Variants in PTBP3 observed in about 807,000 individuals in gnomAD.
PTBP3 encodes the protein polypyrimidine tract-binding protein 3.
In PTBP3, 20 loss-of-function variants were observed where a neutral mutation model predicts 58.7. The observed-to-expected ratio is 0.34, with a 90% confidence interval of 0.24 to 0.50. The LOEUF (loss-of-function observed/expected upper bound fraction) is 0.50. PTBP3 is among the 20% of genes least tolerant of loss of function. The pLI, the probability that PTBP3 is intolerant of heterozygous loss-of-function variation, is 0.98. For missense variants in PTBP3, 509 were observed against 637.2 expected (o/e 0.80, Z 2.17); for synonymous variants, 185 against 219.8 (o/e 0.84, Z 1.40).
chr9:112,303,636 C>T (rs554698118), intron 1 of PTBP3, among the ~76,000 whole-genome samples: 7 of 151,840 alleles, frequency 4.6e-5, no homozygotes, highest in Admixed American at 1.3e-4. Flanking sequence ...GAGGCTGAGG[C>T]GGGCAGATCA....
intron 5 of PTBP3, among the ~76,000 whole-genome samples, chr9:112,254,873 T>C (rs976046947): frequency 1.3e-5 from 2 of 152,062 alleles, no homozygotes; most frequent in African/African-American, 4.8e-5. Flanking sequence ...TCTAGGTATA[T>C]AGCCAAAAAA....
chr9:112,250,966 G>A lies in PTBP3; in HGVS notation c.765C>T (p.Gly255=). The A allele has an allele frequency of 1.2e-6, 2 of 1,608,004 alleles. No individual in the cohort carries two copies. Among genetic ancestry groups the A allele is most frequent in the Non-Finnish European group, 1.7e-6 (2 of 1,177,090 alleles). The change falls in exon 7 of 14, where the codon GGC becomes GGT. Residue 255 remains glycine, a synonymous_variant. Transcript: ENST00000374257. The stretch of plus-strand genomic sequence containing the variant: ...CCATAGGGGGTTCAAGGGATGGCTG[G>A]CCATCACCAGTAGGAAGGTCTAAGC... ...FTRLDLPTGD[G]QPSLEPPMAA... is the part of the protein sequence containing the mutation.
Position 112,223,567 on chromosome 9 carries a change from A to C in PTBP3, c.*284T>G. 1 of 1,035,546 alleles carries C rather than the reference A, an allele frequency of 9.7e-7. No homozygotes were observed. The highest frequency in any genetic ancestry group is 1.2e-6 in the Non-Finnish European group (1 of 839,564). 64.1% of individuals were successfully genotyped at this position (1,035,546 alleles called of 1,614,324 possible). ...GTTAATCCTCTTCAAATCTAATTTA[A>C]TATAGGGAATAAGATTATTGAAAAA... On this transcript the variant is annotated 3_prime_UTR_variant, in exon 14 of 14. Transcript: ENST00000374257.
intron 1 of PTBP3, among the ~76,000 whole-genome samples, chr9:112,319,639 A>G (rs1564460896): frequency 6.6e-6 from 1 of 152,352 alleles, no homozygotes; most frequent in South Asian, 2.1e-4. Flanking sequence ...TATTAAAAAT[A>G]CAACTACCAT....
chr9:112,333,441 G>A lies in PTBP3; in HGVS notation c.-52+29C>T, dbSNP rs768396387. 6 of 1,571,052 alleles carry A rather than the reference G, an allele frequency of 3.8e-6. No individual in the cohort carries two copies. The South Asian group carries it at 5.8e-5, about 15-fold the overall frequency. ...GTGGAAGCGGCGCCAAGGCAACCCG[G>A]TGCGGCCGCCGCGCCGCCTAGTACT... On this transcript the variant is annotated intron_variant, in intron 1 of 13. Transcript: ENST00000374257.
chr9:112,317,521 G>T (rs1031823631), intron 1 of PTBP3, among the ~76,000 whole-genome samples: 1 of 152,118 alleles, frequency 6.6e-6, no homozygotes, highest in Non-Finnish European at 1.5e-5. Flanking sequence ...GAATAAAACC[G>T]AAAGCTGCTT....
In PTBP3 at chr9:112,264,434, T is replaced by G. The variant is rs1045931432; in HGVS notation, c.352-1835A>C. On this transcript the variant is annotated intron_variant, in intron 4 of 13. Transcript: ENST00000374257. The stretch of plus-strand genomic sequence containing the variant: ...GACCTAAATTTTACAGTTGTGACTT[T>G]AGTTTAAATCAAGGAAACAAAACAC... 3.9e-5 allele frequency among the ~76,000 whole-genome samples: 6 copies of G among 152,328 alleles called. No homozygotes were observed. In the South Asian group the frequency reaches 1.2e-3, roughly 32 times the overall value.
intron 1 of PTBP3, among the ~76,000 whole-genome samples, chr9:112,306,604 A>ATATATTTT (rs1341386115): frequency 1.9e-5 from 2 of 104,022 alleles, no homozygotes; most frequent in South Asian, 2.8e-4. Context: ...ATATATATAT[A>ATATATTTT]TTTTTGTTTG....
intron 1 of PTBP3, among the ~76,000 whole-genome samples, chr9:112,328,496 A>G (rs1830241853): frequency 6.6e-6 from 1 of 152,230 alleles, no homozygotes; most frequent in South Asian, 2.1e-4. Flanking sequence ...TTGTATTCAA[A>G]TATGGTTCCT....
the PTBP3 span, among the ~76,000 whole-genome samples, chr9:112,374,997 G>A: frequency 6.6e-6 from 1 of 152,146 alleles, no homozygotes; most frequent in Non-Finnish European, 1.5e-5. Flanking sequence ...GGTCAGCCTT[G>A]GTGAGTGGAA....
At position 112,232,212 on chromosome 9, in the gene PTBP3, C is replaced by A; in HGVS notation, c.907G>T (p.Ala303Ser). 6.2e-7 allele frequency: 1 copy of A among 1,609,626 alleles called. No individual in the cohort carries two copies. Among genetic ancestry groups the A allele is most frequent in the Non-Finnish European group, 8.5e-7 (1 of 1,176,920 alleles). ...TGLSVPAVPG[A>S]LGPLTITSSA... ...GAGGTGATTGTGAGAGGACCAAGAG[C>A]TCCAGGAACAGCTGGAACTGATAGA... The change falls in exon 9 of 14, where the codon GCT (alanine) becomes TCT (serine). Residue 303 changes from alanine to serine, a missense_variant. Ala to Ser is a moderately conservative substitution (Grantham distance 99). Coordinates refer to ENST00000374257, the MANE Select transcript of PTBP3 (RefSeq NM_001163788.4).
intron 10 of PTBP3, among the ~76,000 whole-genome samples, chr9:112,229,384 G>C (rs1003336072): frequency 2.0e-5 from 3 of 151,662 alleles, no homozygotes; most frequent in African/African-American, 7.3e-5. Context: ...GCCAACATGG[G>C]GAAACCCCGT....
intron 4 of PTBP3, 140 bp from the exon 5 acceptor site, chr9:112,262,739 C>T: frequency 1.5e-6 from 1 of 684,966 alleles, no homozygotes; most frequent in Non-Finnish European, 2.1e-6. Context: ...GATACATATC[C>T]TAAATTTGTA....
the PTBP3 span, among the ~76,000 whole-genome samples, chr9:112,375,408 T>A: frequency 3.3e-5 from 5 of 152,188 alleles, no homozygotes; most frequent in African/African-American, 9.7e-5. Flanking sequence ...CTGGGAAGAT[T>A]TCCCTTTATT....
At chr9:112,287,215 A>C (rs1283695737) in intron 2 of PTBP3, among the ~76,000 whole-genome samples, 1 of 151,554 alleles carries the variant, frequency 6.6e-6, no homozygotes, top group African/African-American at 2.4e-5. Flanking sequence ...TAATTTCTTG[A>C]GATGTATTTC....
the PTBP3 span, among the ~76,000 whole-genome samples, chr9:112,378,847 G>C: frequency 6.6e-6 from 1 of 152,190 alleles, no homozygotes; most frequent in Non-Finnish European, 1.5e-5. Context: ...ACAGGAGTCG[G>C]GCAGGTGATA....
upstream of PTBP3, chr9:112,333,708 C>T (rs1830489352): frequency 2.5e-6 from 1 of 403,198 alleles, no homozygotes; most frequent in African/African-American, 2.1e-5. Context: ...CTAGCCCGAC[C>T]CCGCCCCCTC....
chr9:112,273,852 C>A (rs1827493176), intron 3 of PTBP3, among the ~76,000 whole-genome samples: 1 of 152,092 alleles, frequency 6.6e-6, no homozygotes, highest in South Asian at 2.1e-4. Flanking sequence ...AGTGCATTTA[C>A]TAAAAAGATA....
chr9:112,273,303 A>G (rs1827467643), intron 3 of PTBP3, among the ~76,000 whole-genome samples: 1 of 152,238 alleles, frequency 6.6e-6, no homozygotes, highest in Non-Finnish European at 1.5e-5. Context: ...GCCATTATCC[A>G]CTTGTGTCAG....
Sources: allele counts gnomAD v4.1 joint callset (sites outside exome capture counted in the v4.1 genomes callset), GRCh38; gene constraint gnomAD v4.1.1; transcripts MANE v1.5; gene names NCBI Gene and HGNC (gene_info 2026-07-23, HGNC 2026-07-21).